FBRSL1: variants seen among roughly 807,000 people sequenced by gnomAD.
The protein encoded by FBRSL1 is fibrosin-1-like protein.
FBRSL1 carries 51 observed loss-of-function variants against 89.6 expected under a neutral mutation model. The ratio of observed to expected loss-of-function variants is 0.57; its 90% CI spans 0.45 to 0.72. FBRSL1 has a LOEUF of 0.72. Ranked by LOEUF, FBRSL1 falls within the 30% of genes least tolerant of loss-of-function variation. The pLI, the probability that FBRSL1 is intolerant of heterozygous loss-of-function variation, is 0.00. For synonymous variants in FBRSL1, 779 were observed against 681.1 expected, an observed-to-expected ratio of 1.14 and a Z score of -2.24; for missense variants, 1,618 against 1,451.8, an observed-to-expected ratio of 1.11 and a Z score of -1.86.
rs1472139523 is a variant in FBRSL1, at chr12:132,499,536, A to G, written c.292-8617A>G. ...AGTAAAGAGTCTGTCGTCGAAGGCT[A>G]GGAGTCACAGAGGAGGCCACGAGGG... On this transcript the variant is annotated intron_variant, in intron 1 of 18. Coordinates refer to ENST00000680143, the MANE Select transcript of FBRSL1 (RefSeq NM_001367871.1). This position sits in a 1 kb window ranked among gnomAD's most constrained non-coding sequence, Gnocchi z 4.3. Among the ~76,000 whole-genome samples, 2 of 152,196 alleles carry G rather than the reference A, an allele frequency of 1.3e-5. No individual in the cohort carries two copies. Among genetic ancestry groups the G allele is most frequent in the South Asian group, 2.1e-4 (1 of 4,834 alleles).
intron 15 of FBRSL1, among the ~76,000 whole-genome samples, chr12:132,578,999 C>T (rs2040568893): frequency 6.6e-6 from 1 of 152,200 alleles, no homozygotes; most frequent in Admixed American, 6.5e-5. Flanking sequence ...AGTGTGGCGC[C>T]CAGTTCTGGG....
chr12:132,567,470 T>C lies in FBRSL1; in HGVS notation c.646-11T>C. The C allele has an allele frequency of 1.9e-6, 3 of 1,550,974 alleles. No homozygotes were observed. The highest frequency in any genetic ancestry group is 2.6e-6 in the Non-Finnish European group (3 of 1,146,836). ...CCCTGACTGCCCCTGACCCCCCTTC[T>C]CTCTCTCCAGGCATCCGTGGGCTCT... On this transcript the variant is annotated splice_polypyrimidine_tract_variant and intron_variant, in intron 5 of 18. Coordinates refer to ENST00000680143, the MANE Select transcript of FBRSL1 (RefSeq NM_001367871.1).
In FBRSL1 at chr12:132,499,403, C is replaced by T. The variant is rs75657755; in HGVS notation, c.291+8542C>T. Among the ~76,000 whole-genome samples the T allele has an allele frequency of 0.012, 1,777 of 152,324 alleles. 46 individuals are homozygous for T. In the East Asian group the frequency reaches 0.12, roughly 10 times the overall value. On this transcript the variant is annotated intron_variant, in intron 1 of 18. Coordinates refer to ENST00000680143, the MANE Select transcript of FBRSL1 (RefSeq NM_001367871.1). This position sits in a 1 kb window ranked among gnomAD's most constrained non-coding sequence, Gnocchi z 4.3. ...GAAGGGTTCTGAGCTGTTCTGCTTT[C>T]CCTGACAGACTTTATAAGCATTTAT...
chr12:132,529,100 G>T (rs112506545), intron 4 of FBRSL1, among the ~76,000 whole-genome samples: 1 of 152,196 alleles, frequency 6.6e-6, no homozygotes, highest in African/African-American at 2.4e-5. Context: ...ACAGATTGAC[G>T]GCCTGCTGGG....
At chr12:132,537,464 C>T (rs75043524) in intron 4 of FBRSL1, among the ~76,000 whole-genome samples, 3,785 of 152,250 alleles carry the variant, frequency 0.025, 153 homozygotes, top group African/African-American at 0.086. Flanking sequence ...CCCAGGGCGT[C>T]GCAGTGCAAA....
intron 5 of FBRSL1, chr12:132,560,180 A>G: frequency 6.6e-6 from 1 of 151,792 alleles, no homozygotes; most frequent in Non-Finnish European, 1.5e-5. Context: ...GCGTCCATGC[A>G]GCCCGGCTCC....
chr12:132,513,703 T>C (rs942249396), intron 2 of FBRSL1, among the ~76,000 whole-genome samples: 28 of 151,750 alleles, frequency 1.8e-4, no homozygotes, highest in African/African-American at 6.8e-4. Flanking sequence ...AGGGCAGTGG[T>C]TGGTTTGTTG....
intron 4 of FBRSL1, among the ~76,000 whole-genome samples, chr12:132,536,600 A>C (rs1017012055): frequency 1.3e-5 from 2 of 151,446 alleles, no homozygotes; most frequent in African/African-American, 4.9e-5. Flanking sequence ...GCACGTGTAC[A>C]TGACGGTGTG....
intron 6 of FBRSL1, among the ~76,000 whole-genome samples, chr12:132,568,941 G>T (rs2039819691): frequency 6.6e-6 from 1 of 152,116 alleles, no homozygotes; most frequent in South Asian, 2.1e-4. Flanking sequence ...GGTCACATGG[G>T]GCAGGGACGG....
intron 2 of FBRSL1, 29 bp from the exon 3 acceptor site, chr12:132,525,705 G>T: frequency 1.3e-6 from 2 of 1,525,834 alleles, no homozygotes; most frequent in Non-Finnish European, 1.8e-6. Flanking sequence ...GTGGGGGTTT[G>T]CCTGAGACAG....
intron 2 of FBRSL1, among the ~76,000 whole-genome samples, chr12:132,512,528 G>C (rs2034457782): frequency 6.6e-6 from 1 of 152,254 alleles, no homozygotes; most frequent in African/African-American, 2.4e-5. Flanking sequence ...GCCCCGCAGA[G>C]GGGCTGAAGT....
chr12:132,552,942 C>T (rs1028907432), intron 5 of FBRSL1: 7 of 155,942 alleles, frequency 4.5e-5, no homozygotes, highest in African/African-American at 1.4e-4. Context: ...GTCCAGTGTG[C>T]GGGCCGCGCC....
At chr12:132,575,353 G>A (rs577504290) in intron 14 of FBRSL1, among the ~76,000 whole-genome samples, 3 of 152,070 alleles carry the variant, frequency 2.0e-5, no homozygotes, top group Admixed American at 6.5e-5. Flanking sequence ...TCGGCCTCCC[G>A]AGTAGCTGGG....
chr12:132,567,739 G>C lies in FBRSL1; in HGVS notation c.691+213G>C, dbSNP rs886499245. On this transcript the variant is annotated intron_variant, in intron 6 of 18. Transcript: ENST00000680143. The stretch of plus-strand genomic sequence containing the variant: ...CCACTGAGCCCTAGGCAGGGCCTGG[G>C]CTCCGCTCGTAGCAGCGGCTCCCAG... Among the ~76,000 whole-genome samples, 7 of 152,274 alleles carry C rather than the reference G, an allele frequency of 4.6e-5. No individual in the cohort carries two copies. The South Asian group carries it at 8.3e-4, about 18-fold the overall frequency.
At chr12:132,509,199 A>G in intron 2 of FBRSL1, 8 of 1,247,494 alleles carry the variant, frequency 6.4e-6, no homozygotes, top group Non-Finnish European at 8.0e-6. Flanking sequence ...GCTCCCAGCC[A>G]GCCACTGGGA....
intron 4 of FBRSL1, among the ~76,000 whole-genome samples, chr12:132,545,468 G>C (rs2037613834): frequency 6.6e-6 from 1 of 152,242 alleles, no homozygotes; most frequent in Non-Finnish European, 1.5e-5. Context: ...CGTGCTATTT[G>C]GTTAATGAGA....
chr12:132,510,243 G>T, intron 2 of FBRSL1: 1 of 1,231,858 alleles, frequency 8.1e-7, no homozygotes, highest in East Asian at 3.2e-5. Context: ...TTCACTCCTG[G>T]GGCAGCCGGG....
chr12:132,575,710 C>T (rs978487563), intron 14 of FBRSL1, among the ~76,000 whole-genome samples: 5 of 152,260 alleles, frequency 3.3e-5, no homozygotes, highest in Admixed American at 6.5e-5. Flanking sequence ...TGCAAGAGGC[C>T]GGCGGTCCAG....
rs1449420042 is a variant in FBRSL1 at position 132,570,348 on chromosome 12, G to A, written c.1021G>A (p.Ala341Thr). The change falls in exon 8 of 19, where the codon GCC (alanine) becomes ACC (threonine). Residue 341 changes from alanine (A) to threonine (T), a missense_variant. Physicochemically the swap from Ala to Thr is moderately conservative, Grantham distance 58. Transcript: ENST00000680143. ...GLHGLSRSSS[A>T]PLGLGKHVSL... Reference sequence around the variant, plus strand: ...CGTGTCCCGCAGCAGGAGCAGCAGCGCCCCCCTGGGCCTGGGGAAGCACGT... The same window carrying A: ...CGTGTCCCGCAGCAGGAGCAGCAGCACCCCCCTGGGCCTGGGGAAGCACGT... The A allele has an allele frequency of 1.2e-5, 19 of 1,530,908 alleles. No homozygotes were observed. The highest frequency in any genetic ancestry group is 1.2e-4 in the East Asian group (5 of 40,536). The allele number at this position is 1,530,908 out of a possible 1,614,324, so 94.8% of individuals were successfully genotyped here.
Sources: allele counts gnomAD v4.1 joint callset (sites outside exome capture counted in the v4.1 genomes callset), GRCh38; gene constraint gnomAD v4.1.1; non-coding constraint Gnocchi (gnomAD v3.1); transcripts MANE v1.5; gene names NCBI Gene and HGNC (gene_info 2026-07-23, HGNC 2026-07-21).